TERT: variants seen among roughly 807,000 people sequenced by gnomAD.
TERT encodes the protein telomerase catalytic subunit.
Under a neutral mutation model 104.0 loss-of-function variants are expected in TERT, and 42 were observed. The observed-to-expected ratio is 0.40, with a 90% CI of 0.32 to 0.52. TERT has a LOEUF of 0.52. Among genes scored for constraint, TERT ranks in the 20% least tolerant of loss-of-function variants. TERT has a pLI of 0.43. For synonymous variants in TERT, 781 were observed against 725.6 expected, an observed-to-expected ratio of 1.08 and a Z score of -1.23; for missense variants, 1,101 against 1,610.3, an observed-to-expected ratio of 0.68 and a Z score of 5.41.
rs1427376649 is a variant in TERT, at chr5:1,255,455, A to G, written c.3033-44T>C. 6.2e-7 allele frequency: 1 copy of G among 1,613,300 alleles called. No homozygotes were observed. The highest frequency in any genetic ancestry group is 1.7e-5 in the Admixed American group (1 of 60,010). On this transcript the variant is annotated intron_variant, in intron 13 of 15. Transcript: ENST00000310581. This position sits in a 1 kb window ranked among gnomAD's most constrained non-coding sequence, Gnocchi z 6.9. The stretch of plus-strand genomic sequence containing the variant: ...GCGTCAGAGGAAAGGCCTCCTAATC[A>G]GACGGTGCTCGTGGGTGTGGGCATG...
rs1353425234 is a variant in TERT at position 1,269,855 on chromosome 5, A to T, written c.2469-1222T>A. Among the ~76,000 whole-genome samples, 1 of 152,138 alleles carries T rather than the reference A, an allele frequency of 6.6e-6. No homozygotes were observed. The highest frequency in any genetic ancestry group is 1.5e-5 in the Non-Finnish European group (1 of 68,026). On this transcript the variant is annotated intron_variant, in intron 8 of 15. Coordinates refer to ENST00000310581, the MANE Select transcript of TERT (RefSeq NM_198253.3). The surrounding 1 kb of genome is among the most constrained non-coding windows in gnomAD (Gnocchi z 9.0). ...CGTTTTTATTCAGAGGCCAAACTGGACCACGATGGGGACTAGAGCTTCGGG... is the reference window on the plus strand; with the variant it reads ...CGTTTTTATTCAGAGGCCAAACTGGTCCACGATGGGGACTAGAGCTTCGGG...
At chr5:1,285,629 G>A (rs904945816) in intron 2 of TERT, among the ~76,000 whole-genome samples, 3 of 136,766 alleles carry the variant, frequency 2.2e-5, no homozygotes, top group Non-Finnish European at 4.6e-5. Flanking sequence ...GAGTGCAGTG[G>A]TGCAATGTCG....
Position 1,271,179 on chromosome 5 carries a change from C to A in TERT, c.2408G>T (p.Ser803Ile). 2 of 1,613,080 alleles carry A rather than the reference C, an allele frequency of 1.2e-6. No homozygotes were observed. The highest frequency in any genetic ancestry group is 1.7e-6 in the Non-Finnish European group (2 of 1,179,884). ...GCGTAGGAAGACGTCGAAGAGGCCA[C>A]TGCTGGCCTCATTCAGGGAGGAGCT... ...EQSSSLNEAS[S>I]GLFDVFLRFM... is the part of the protein sequence containing the mutation. Residue 803 changes from serine (S) to isoleucine (I), a missense_variant, in exon 8 of 16, where the codon AGT (serine) becomes ATT (isoleucine). Ser to Ile is a moderately radical substitution (Grantham distance 142, BLOSUM62 -2). This residue lies in a region of TERT where 463 missense variants were observed against 797.5 expected (regional missense o/e 0.58). Coordinates refer to ENST00000310581, the MANE Select transcript of TERT (RefSeq NM_198253.3).
chr5:1,259,164 G>C (rs1266819988), intron 12 of TERT, among the ~76,000 whole-genome samples: 1 of 135,260 alleles, frequency 7.4e-6, no homozygotes, highest in Admixed American at 7.3e-5. Flanking sequence ...GAGTGGACGC[G>C]GATGCCCACA....
chr5:1,278,321 GCA>G (rs769314849), intron 6 of TERT, among the ~76,000 whole-genome samples: 5 of 151,912 alleles, frequency 3.3e-5, no homozygotes, highest in East Asian at 1.9e-4. Flanking sequence ...ACGGACACAT[GCA>G]CACACACACA....
Position 1,253,834 on chromosome 5 carries a change from G to GTCCTGAGTGACCC in TERT, c.3296-4_3296-3insGGGTCACTCAGGA. The GTCCTGAGTGACCC allele has an allele frequency of 6.2e-7, 1 of 1,606,818 alleles. No homozygotes were observed. The highest frequency in any genetic ancestry group is 1.1e-5 in the South Asian group (1 of 89,290). ...CTTCCGACTCAGCTGCGTCTGGGCTGCGGGGCCAAAATCAGACTCCGTTCC... is the reference window on the plus strand; with the variant it reads ...CTTCCGACTCAGCTGCGTCTGGGCTGTCCTGAGTGACCCCGGGGCCAAAATCAGACTCCGTTCC... On this transcript the variant is annotated splice_polypyrimidine_tract_variant and splice_region_variant and intron_variant, in intron 15 of 15. Coordinates refer to ENST00000310581, the MANE Select transcript of TERT (RefSeq NM_198253.3).
In TERT at chr5:1,255,931, GAC is replaced by G. The variant is rs1454132675; in HGVS notation, c.3033-522_3033-521del. ...TGAGGACCCATCATCTCATCTCACT[GAC>G]ACCGAGACACCGACTTGGCTTCTGT... is the stretch of plus-strand genomic sequence containing the variant. On this transcript the variant is annotated intron_variant, in intron 13 of 15. Transcript: ENST00000310581. This position sits in a 1 kb window ranked among gnomAD's most constrained non-coding sequence, Gnocchi z 6.9. 6.6e-6 allele frequency among the ~76,000 whole-genome samples: 1 copy of G among 151,842 alleles called. No individual in the cohort carries two copies. Among genetic ancestry groups the G allele is most frequent in the East Asian group, 1.9e-4 (1 of 5,174 alleles).
Position 1,253,673 on chromosome 5 carries a change from C to G in TERT, c.*55G>C. The stretch of plus-strand genomic sequence containing the variant: ...CCCTCCCTCCCTGGGACGTAGAGCC[C>G]GGCGTGACAGGGCTGCTGGTGTCTG... On this transcript the variant is annotated 3_prime_UTR_variant, in exon 16 of 16. Transcript: ENST00000310581. The G allele has an allele frequency of 2.0e-6, 3 of 1,494,478 alleles. No homozygotes were observed. The highest frequency in any genetic ancestry group is 2.8e-6 in the Non-Finnish European group (3 of 1,086,902). The allele number at this position is 1,494,478 out of a possible 1,614,324, so 92.6% of individuals were successfully genotyped here.
intron 12 of TERT, among the ~76,000 whole-genome samples, 157 bp from the exon 13 acceptor site, chr5:1,258,816 C>A (rs1350778494): frequency 6.6e-6 from 1 of 152,272 alleles, no homozygotes; most frequent in Non-Finnish European, 1.5e-5. Context: ...TGGCCCTCAC[C>A]CGGCAGCTGC....
At chr5:1,275,084 G>A (rs566856565) in intron 6 of TERT, among the ~76,000 whole-genome samples, 74 of 152,336 alleles carry the variant, frequency 4.9e-4, no homozygotes, top group Non-Finnish European at 8.7e-4. Context: ...GCTGCAGGAA[G>A]CGAGTCTCGG....
At position 1,260,432 on chromosome 5, in the gene TERT, C is replaced by G. The variant is rs1242955330; in HGVS notation, c.2970+42G>C. 5 of 1,612,778 alleles carry G rather than the reference C, an allele frequency of 3.1e-6. No homozygotes were observed. The African/African-American group carries it at 6.7e-5, about 22-fold the overall frequency. ...CACACACACATACTTGCGCACACAC[C>G]TCCTGAACTCTGAACTCTGTGCTGA... On this transcript the variant is annotated intron_variant, in intron 12 of 15. Coordinates refer to ENST00000310581, the MANE Select transcript of TERT (RefSeq NM_198253.3).
In TERT at chr5:1,294,217, C is replaced by T. The variant is rs1060504791; in HGVS notation, c.669G>A (p.Arg223=). 1 of 1,583,748 alleles carries T rather than the reference C, an allele frequency of 6.3e-7. No individual in the cohort carries two copies. Among genetic ancestry groups the T allele is most frequent in the Non-Finnish European group, 8.5e-7 (1 of 1,170,658 alleles). The change falls in exon 2 of 16, where the codon AGG becomes AGA. Residue 223 remains arginine, a synonymous_variant. Transcript: ENST00000310581. ...GACTTCGGCTGGCACTGCCCCCGCG[C>T]CTCCTCGCACCCGGGGCTGGCAGGC... ...PLGLPAPGAR[R]RGGSASRSLP... is the part of the protein sequence containing the mutation.
rs114012142 is a variant in TERT at position 1,253,575 on chromosome 5, G to A, written c.*153C>T. The A allele has an allele frequency of 1.7e-3, 1,123 of 679,646 alleles. 5 individuals carry two copies. In the African/African-American group the frequency reaches 0.018, roughly 11 times the overall value. 42.1% of individuals were successfully genotyped at this position (679,646 alleles called of 1,614,324 possible). On this transcript the variant is annotated 3_prime_UTR_variant, in exon 16 of 16. Transcript: ENST00000310581. ...TCAGCCGGACACTCAGCCTTCAGCC[G>A]GACATGCAGGCCTCGGCCAAACACT...
Position 1,253,633 on chromosome 5 carries a change from C to G in TERT, c.*95G>C. ...GCCTCAGACTCCCAGCGGTGCGGGC[C>G]TGGGTGTGGGCCGCCCCTCCCTCCC... is the stretch of plus-strand genomic sequence containing the variant. On this transcript the variant is annotated 3_prime_UTR_variant, in exon 16 of 16. Coordinates refer to ENST00000310581, the MANE Select transcript of TERT (RefSeq NM_198253.3). The G allele has an allele frequency of 9.3e-7, 1 of 1,072,840 alleles. No homozygotes were observed. Among genetic ancestry groups the G allele is most frequent in the Admixed American group, 2.0e-5 (1 of 50,534 alleles). The allele number at this position is 1,072,840 out of a possible 1,614,324, so 66.5% of individuals were successfully genotyped here.
chr5:1,256,358 G>T lies in TERT; in HGVS notation c.3033-947C>A, dbSNP rs1407931273. Among the ~76,000 whole-genome samples the T allele has an allele frequency of 6.6e-6, 1 of 152,062 alleles. No individual in the cohort carries two copies. The highest frequency in any genetic ancestry group is 1.5e-5 in the Non-Finnish European group (1 of 68,008). On this transcript the variant is annotated intron_variant, in intron 13 of 15. Coordinates refer to ENST00000310581, the MANE Select transcript of TERT (RefSeq NM_198253.3). The surrounding 1 kb of genome is among the most constrained non-coding windows in gnomAD (Gnocchi z 7.0). ...CCTCTCAGCTTCCTGGGACTTTGGG[G>T]CAGGTGTGCACAGACCTGGCTACCA...
rs896201074 is a variant in TERT at position 1,293,381 on chromosome 5, T to C, written c.1505A>G (p.Lys502Arg). 2.5e-6 allele frequency: 4 copies of C among 1,613,388 alleles called. No individual in the cohort carries two copies. Among genetic ancestry groups the C allele is most frequent in the Admixed American group, 1.7e-5 (1 of 60,026 alleles). ...KKFISLGKHA[K>R]LSLQELTWKM... ...CCACGTCAGCTCCTGCAGCGAGAGC[T>C]TGGCATGCTTCCCCAGGGAGATGAA... The change falls in exon 2 of 16, where the codon AAG becomes AGG. Residue 502 changes from lysine (K) to arginine (R), a missense_variant. By Grantham distance (26) the Lys-to-Arg change is conservative (BLOSUM62 2). Transcript: ENST00000310581.
intron 6 of TERT, among the ~76,000 whole-genome samples, chr5:1,275,420 C>T (rs559272475): frequency 6.6e-6 from 1 of 151,908 alleles, no homozygotes; most frequent in South Asian, 2.1e-4. Flanking sequence ...AAGCAAGCCT[C>T]CAACTCGCAG....
At position 1,263,467 on chromosome 5, in the gene TERT, G is replaced by A. The variant is rs1055839334; in HGVS notation, c.2843+937C>T. Among the ~76,000 whole-genome samples, 3 of 150,478 alleles carry A rather than the reference G, an allele frequency of 2.0e-5. No individual in the cohort carries two copies. The South Asian group carries it at 6.3e-4, about 32-fold the overall frequency. ...TGCCCAGGCTGGAGTGCAGTGGTGT[G>A]ATCTCGGCTCACTGCAACCTCTGCC... On this transcript the variant is annotated intron_variant, in intron 11 of 15. Transcript: ENST00000310581. This position sits in a 1 kb window ranked among gnomAD's most constrained non-coding sequence, Gnocchi z 5.3.
intron 2 of TERT, among the ~76,000 whole-genome samples, chr5:1,285,503 T>C (rs954290548): frequency 1.3e-5 from 2 of 152,032 alleles, no homozygotes; most frequent in Non-Finnish European, 2.9e-5. Context: ...TGGGCTTCAG[T>C]AAAATCTATT....
Sources: gnomAD v4.1 joint callset for allele counts (sites outside exome capture counted in the v4.1 genomes callset) on GRCh38, gnomAD v4.1.1 for gene constraint, gnomAD v4.1.1 regional missense constraint, Gnocchi (gnomAD v3.1) non-coding constraint, MANE v1.5 for transcripts, NCBI Gene and HGNC (gene_info 2026-07-23, HGNC 2026-07-21) for gene names.